Variants in CCDC179 observed in about 807,000 individuals in gnomAD.
CCDC179 encodes the protein coiled-coil domain-containing protein 179.
A neutral mutation model predicts 12.0 loss-of-function variants in CCDC179; 17 were observed. The ratio of observed to expected loss-of-function variants is 1.42; its 90% CI spans 0.97 to 2.13. CCDC179 has a LOEUF of 2.13. Ranked by LOEUF, CCDC179 falls within the 30% of genes most tolerant of loss-of-function variation. CCDC179 has a pLI of 0.00. For synonymous variants in CCDC179, 27 were observed against 26.4 expected (o/e 1.02, Z -0.07); for missense variants, 83 against 78.6 (o/e 1.06, Z -0.21).
chr11:22,858,949 A>G (rs1239169429), intron 2 of CCDC179, among the ~76,000 whole-genome samples: 2 of 152,144 alleles, frequency 1.3e-5, no homozygotes, highest in African/African-American at 4.8e-5. Flanking sequence ...TTGAGAAAAA[A>G]GAGTAAATCA....
intron 3 of CCDC179, among the ~76,000 whole-genome samples, chr11:22,848,592 T>C (rs1858288852): frequency 6.6e-6 from 1 of 152,268 alleles, no homozygotes; most frequent in South Asian, 2.1e-4. Context: ...TTTGTAGGAA[T>C]TCAGGCTTTT....
At chr11:22,856,396 G>C (rs1201031232) in intron 3 of CCDC179, among the ~76,000 whole-genome samples, 1 of 151,354 alleles carries the variant, frequency 6.6e-6, no homozygotes, top group Non-Finnish European at 1.5e-5. Context: ...ACGTCAAAAG[G>C]CTAAAGGAGA....
chr11:22,850,966 ATATATATATAT>A (rs1564915097), intron 3 of CCDC179, among the ~76,000 whole-genome samples: 1 of 6,718 alleles, frequency 1.5e-4, no homozygotes, highest in African/African-American at 2.5e-4. Context: ...ATATATATAT[ATATATATATAT>A]TTTTTTTTTT....
intron 1 of CCDC179, 150 bp downstream of exon 1, chr11:22,860,227 G>A: frequency 4.9e-6 from 4 of 818,678 alleles, no homozygotes; most frequent in Non-Finnish European, 7.4e-6. Flanking sequence ...TCAGGATGTA[G>A]TCTGTCTACA....
intron 3 of CCDC179, among the ~76,000 whole-genome samples, chr11:22,848,172 G>A (rs112122189): frequency 0.13 from 19,257 of 152,220 alleles, 1,577 homozygotes; most frequent in Non-Finnish European, 0.18. Flanking sequence ...GGCCAAGCAT[G>A]GTGGCTTACG....
intron 3 of CCDC179, among the ~76,000 whole-genome samples, chr11:22,852,306 T>C (rs1309458897): frequency 2.0e-5 from 3 of 152,138 alleles, no homozygotes; most frequent in Non-Finnish European, 2.9e-5. Context: ...AGAAATTTAG[T>C]TTATAGTTTA....
At position 22,858,013 on chromosome 11, in the gene CCDC179, C is replaced by T. The variant is rs780995888; in HGVS notation, c.104G>A (p.Arg35His). The stretch of plus-strand genomic sequence containing the variant: ...CTTTAGGTGTTGCATATTCTGAATA[C>T]GTTTATTTGCAAGCTTTAGAAAAAT... ...EVTERQLANK[R>H]IQNMQHLKKE... Residue 35 changes from arginine to histidine, a missense_variant, in exon 3 of 4, where the codon CGT (arginine) becomes CAT (histidine). Transcript: ENST00000532798. 28 of 1,503,094 alleles carry T rather than the reference C, an allele frequency of 1.9e-5. No homozygotes were observed. The highest frequency in any genetic ancestry group is 1.3e-4 in the South Asian group (10 of 78,102). 93.1% of individuals were successfully genotyped at this position (1,503,094 alleles called of 1,614,324 possible). A position where few individuals can be genotyped will look rare whatever the true frequency, so the allele number is the denominator to read the frequency against.
At position 22,846,924 on chromosome 11, in the gene CCDC179, T is replaced by G. The variant is rs1163362575; in HGVS notation, c.*586A>C. On this transcript the variant is annotated 3_prime_UTR_variant, in exon 4 of 4. Transcript: ENST00000532798. ...TAAGTATTATAGTTAAGAAAGATTT[T>G]AGAGAGTCAGCAATAATTATAATTT... 6.6e-6 allele frequency: 1 copy of G among 152,120 alleles called. No individual in the cohort carries two copies. Among genetic ancestry groups the G allele is most frequent in the Non-Finnish European group, 1.5e-5 (1 of 68,010 alleles). 9.4% of individuals were successfully genotyped at this position (152,120 alleles called of 1,614,324 possible).
chr11:22,857,633 T>G (rs566252660), intron 3 of CCDC179, among the ~76,000 whole-genome samples: 1 of 151,842 alleles, frequency 6.6e-6, no homozygotes, highest in East Asian at 1.9e-4. Context: ...GCCAAAAGAT[T>G]TAAGTGATTA....
chr11:22,848,901 T>C (rs1409802970), intron 3 of CCDC179, among the ~76,000 whole-genome samples: 3 of 152,232 alleles, frequency 2.0e-5, no homozygotes, highest in Non-Finnish European at 4.4e-5. Flanking sequence ...GATACTGTGA[T>C]GACATTATGA....
At chr11:22,854,773 A>T (rs1370906085) in intron 3 of CCDC179, among the ~76,000 whole-genome samples, 1 of 151,764 alleles carries the variant, frequency 6.6e-6, no homozygotes. Context: ...GATCTTAAAG[A>T]CAAAGACTGT....
intron 3 of CCDC179, among the ~76,000 whole-genome samples, chr11:22,850,939 G>GATATATATAT (rs1564914940): frequency 1.3e-4 from 7 of 55,684 alleles, no homozygotes; most frequent in Admixed American, 2.8e-4. Flanking sequence ...TGTTGCATAG[G>GATATATATAT]CTATATATAT....
chr11:22,849,872 AAG>A (rs941517295), intron 3 of CCDC179, among the ~76,000 whole-genome samples: 15 of 152,150 alleles, frequency 9.9e-5, no homozygotes, highest in African/African-American at 3.6e-4. Flanking sequence ...AGGAGGAAGA[AAG>A]AGACTGGAAA....
chr11:22,860,356 T>C, intron 1 of CCDC179, 21 bp downstream of exon 1: 1 of 1,535,178 alleles, frequency 6.5e-7, no homozygotes, highest in Non-Finnish European at 8.7e-7. Flanking sequence ...GAGTTGAGGT[T>C]GTAGGCCCCA....
intron 3 of CCDC179, among the ~76,000 whole-genome samples, chr11:22,855,848 A>G (rs764645400): frequency 2.6e-5 from 4 of 151,384 alleles, no homozygotes; most frequent in African/African-American, 4.8e-5. Context: ...ATAAGAGACC[A>G]TAACTGCCAA....
intron 3 of CCDC179, among the ~76,000 whole-genome samples, chr11:22,855,911 C>G (rs1206278360): frequency 6.6e-6 from 1 of 151,282 alleles, no homozygotes; most frequent in Admixed American, 6.6e-5. Flanking sequence ...GCTCTATGCT[C>G]ATAAACTTGA....
intron 3 of CCDC179, among the ~76,000 whole-genome samples, chr11:22,852,366 G>T (rs1262509406): frequency 6.6e-6 from 1 of 152,124 alleles, no homozygotes; most frequent in Non-Finnish European, 1.5e-5. Context: ...CTAATGAAAG[G>T]CCACAAGGTT....
intron 3 of CCDC179, among the ~76,000 whole-genome samples, chr11:22,855,311 A>G (rs1434863087): frequency 6.6e-6 from 1 of 151,672 alleles, no homozygotes; most frequent in Non-Finnish European, 1.5e-5. Flanking sequence ...ATTAAAATAT[A>G]CTTTAACAAA....
At chr11:22,849,757 G>T (rs1421157242) in intron 3 of CCDC179, among the ~76,000 whole-genome samples, 1 of 152,142 alleles carries the variant, frequency 6.6e-6, no homozygotes, top group Non-Finnish European at 1.5e-5. Context: ...TAGGTGAGAA[G>T]GAGGCAGCTA....
Sources: gnomAD v4.1 joint callset for allele counts (sites outside exome capture counted in the v4.1 genomes callset) on GRCh38, gnomAD v4.1.1 for gene constraint, MANE v1.5 for transcripts, NCBI Gene and HGNC (gene_info 2026-07-23, HGNC 2026-07-21) for gene names.